The following ODAD2 variants were observed in gnomAD, a reference collection of about 807,000 sequenced individuals.
ODAD2 encodes the protein outer dynein arm docking complex subunit 2.
A neutral mutation model predicts 106.8 loss-of-function variants in ODAD2; 89 were observed. The observed-to-expected ratio is 0.83, with a 90% CI of 0.70 to 0.99. The LOEUF is 0.99. Among genes scored for constraint, ODAD2 ranks in the 50% least tolerant of loss-of-function variants. ODAD2 has a pLI of 0.00. For missense variants in ODAD2, 1,168 were observed against 1,238.5 expected, an observed-to-expected ratio of 0.94 and a Z score of 0.85; for synonymous variants, 404 against 436.2, an observed-to-expected ratio of 0.93 and a Z score of 0.92.
intron 2 of ODAD2, among the ~76,000 whole-genome samples, chr10:27,988,524 A>G (rs1850023297): frequency 6.6e-6 from 1 of 151,886 alleles, no homozygotes; most frequent in Non-Finnish European, 1.5e-5. Flanking sequence ...TTTAGTAGAC[A>G]ACGGGGTTAC....
chr10:27,993,974 ATG>A lies in ODAD2; in HGVS notation c.224+943_224+944del, dbSNP rs56017872. On this transcript the variant is annotated intron_variant, in intron 2 of 19. Coordinates refer to ENST00000305242, the MANE Select transcript of ODAD2 (RefSeq NM_018076.5). ...GAGGCTGGCAAATATATATATATAT[ATG>A]TGTGTGTGTGTGTGTGTGTGTGTGT... Among the ~76,000 whole-genome samples, 740 of 140,604 alleles carry A rather than the reference ATG, an allele frequency of 5.3e-3. 6 individuals are homozygous for A. The highest frequency in any genetic ancestry group is 0.016 in the African/African-American group (581 of 37,328). 92.2% of individuals were successfully genotyped at this position (140,604 alleles called of 152,430 possible). A position where few individuals can be genotyped will look rare whatever the true frequency, so the allele number is the denominator to read the frequency against.
At chr10:27,996,403 A>T (rs1850560381) in intron 1 of ODAD2, among the ~76,000 whole-genome samples, 1 of 152,202 alleles carries the variant, frequency 6.6e-6, no homozygotes, top group Non-Finnish European at 1.5e-5. Context: ...CTTCCTGCTG[A>T]TAAAGAGTAT....
intron 17 of ODAD2, among the ~76,000 whole-genome samples, chr10:27,870,669 A>G (rs979443653): frequency 2.0e-5 from 3 of 152,146 alleles, no homozygotes; most frequent in Non-Finnish European, 2.9e-5. Context: ...CCATGTCCCT[A>G]CAAAGGACAT....
intron 16 of ODAD2, among the ~76,000 whole-genome samples, chr10:27,925,000 A>C (rs1845158610): frequency 6.6e-6 from 1 of 151,642 alleles, no homozygotes; most frequent in African/African-American, 2.4e-5. Flanking sequence ...AAAAAAAAAA[A>C]AAATCCCGAT....
intron 10 of ODAD2, among the ~76,000 whole-genome samples, chr10:27,952,074 C>CAAAAAAAAAAAAAAAAA (rs71388944): frequency 0.025 from 1,080 of 43,576 alleles, 78 homozygotes; most frequent in Middle Eastern, 0.062. Flanking sequence ...GATGCCAACT[C>CAAAAAAAAAAAAAAAAA]AAAAAAAAAA....
rs530952310 is a variant in ODAD2 at position 27,872,334 on chromosome 10, A to G, written c.2611-9712T>C. Among the ~76,000 whole-genome samples, 945 of 150,562 alleles carry G rather than the reference A, an allele frequency of 6.3e-3. 17 individuals carry two copies. The highest frequency in any genetic ancestry group is 0.02 in the African/African-American group (798 of 39,978). ...AATTTGACTTCCTCTTTTCCTAATT[A>G]AATACCCTTTATTTCTTTCTCCTGC... is the stretch of plus-strand genomic sequence containing the variant. On this transcript the variant is annotated intron_variant, in intron 17 of 19. Coordinates refer to ENST00000305242, the MANE Select transcript of ODAD2 (RefSeq NM_018076.5).
At chr10:27,865,488 C>A (rs1443750290) in intron 17 of ODAD2, among the ~76,000 whole-genome samples, 1 of 152,124 alleles carries the variant, frequency 6.6e-6, no homozygotes, top group African/African-American at 2.4e-5. Context: ...TTCAGGAAAC[C>A]TTTCCTGAAC....
At chr10:27,883,414 C>T (rs10826356) in intron 17 of ODAD2, among the ~76,000 whole-genome samples, 78,164 of 151,688 alleles carry the variant, frequency 0.52, 22,409 homozygotes, top group Middle Eastern at 0.68. Context: ...ATACAGGCCA[C>T]GGGAAGGGGA....
chr10:27,981,560 T>C lies in ODAD2; in HGVS notation c.842A>G (p.Asp281Gly). ...LNGGKTDDEG[D>G]VNYERKGSIY... is the part of the protein sequence containing the mutation. Reference sequence around the variant, plus strand: ...TGAACCTTTTCTCTCATAATTAACGTCCCCTTCATCATCTGTTTTGCCCTT... The same window carrying C: ...TGAACCTTTTCTCTCATAATTAACGCCCCCTTCATCATCTGTTTTGCCCTT... Residue 281 changes from aspartate to glycine, a missense_variant, in exon 7 of 20, where the codon GAC becomes GGC. By Grantham distance (94) the Asp-to-Gly change is moderately conservative. Transcript: ENST00000305242. 1 of 1,545,636 alleles carries C rather than the reference T, an allele frequency of 6.5e-7. No homozygotes were observed.
At chr10:27,870,880 T>C (rs919057629) in intron 17 of ODAD2, among the ~76,000 whole-genome samples, 6 of 152,226 alleles carry the variant, frequency 3.9e-5, no homozygotes, top group Non-Finnish European at 8.8e-5. Context: ...AGTAATGGGA[T>C]GGCTGGGTCA....
At chr10:27,872,598 C>T (rs1261625595) in intron 17 of ODAD2, among the ~76,000 whole-genome samples, 1 of 152,168 alleles carries the variant, frequency 6.6e-6, no homozygotes, top group Non-Finnish European at 1.5e-5. Context: ...GCCTTTCCTG[C>T]ATCCATTGAG....
chr10:27,812,504 T>C lies in ODAD2; in HGVS notation c.*8A>G, dbSNP rs1835814963. ...AGAATTTGATAGCTTGTAATGTCCA[T>C]TTAAATTTCAAGTGTATCTTGCCTT... On this transcript the variant is annotated 3_prime_UTR_variant, in exon 20 of 20. Transcript: ENST00000305242. The C allele has an allele frequency of 1.2e-6, 2 of 1,612,704 alleles. No homozygotes were observed. Among genetic ancestry groups the C allele is most frequent in the South Asian group, 1.1e-5 (1 of 90,736 alleles).
intron 16 of ODAD2, among the ~76,000 whole-genome samples, chr10:27,923,719 G>A (rs966273146): frequency 1.3e-5 from 2 of 151,860 alleles, no homozygotes; most frequent in African/African-American, 4.8e-5. Context: ...AAGCCAATGG[G>A]GGATAATCAC....
intron 7 of ODAD2, 73 bp from the exon 8 acceptor site, chr10:27,971,386 T>C (rs555401359): frequency 1.5e-6 from 2 of 1,295,750 alleles, no homozygotes; most frequent in Admixed American, 2.7e-5. Flanking sequence ...TTAATGCCAG[T>C]GGTAAATTCA....
chr10:27,875,571 C>T (rs1361815045), intron 17 of ODAD2, among the ~76,000 whole-genome samples: 1 of 152,038 alleles, frequency 6.6e-6, no homozygotes, highest in East Asian at 1.9e-4. Flanking sequence ...TTGGTGGTTC[C>T]AAGATGGCCG....
chr10:27,826,064 C>T (rs1009363309), intron 19 of ODAD2, among the ~76,000 whole-genome samples: 4 of 152,196 alleles, frequency 2.6e-5, no homozygotes, highest in Non-Finnish European at 4.4e-5. Context: ...TGGTCATACC[C>T]GGACCTTAGT....
intron 18 of ODAD2, among the ~76,000 whole-genome samples, chr10:27,861,789 A>C (rs1350192556): frequency 6.6e-6 from 1 of 152,184 alleles, no homozygotes; most frequent in African/African-American, 2.4e-5. Context: ...TGCTCTCTTG[A>C]TTCAGGCAAC....
chr10:27,886,756 G>T (rs1842247486), intron 17 of ODAD2, among the ~76,000 whole-genome samples: 1 of 151,990 alleles, frequency 6.6e-6, no homozygotes, highest in Non-Finnish European at 1.5e-5. Flanking sequence ...TGTGTGGGTG[G>T]AGAGAAAAGT....
At chr10:27,856,669 C>G (rs1037663310) in intron 19 of ODAD2, among the ~76,000 whole-genome samples, 2 of 152,182 alleles carry the variant, frequency 1.3e-5, no homozygotes, top group African/African-American at 4.8e-5. Context: ...TAAAATGTGG[C>G]TGGTGCAAAC....
Sources: allele counts gnomAD v4.1 joint callset (sites outside exome capture counted in the v4.1 genomes callset), GRCh38; gene constraint gnomAD v4.1.1; transcripts MANE v1.5; gene names NCBI Gene and HGNC (gene_info 2026-07-23, HGNC 2026-07-21).